SGCE: variants seen among roughly 807,000 people sequenced by gnomAD.
The protein encoded by SGCE is epsilon-sarcoglycan.
In SGCE, 26 loss-of-function variants were observed where a neutral mutation model predicts 57.8. The ratio of observed to expected loss-of-function variants is 0.45; its 90% CI spans 0.33 to 0.62. The LOEUF is 0.62. SGCE is among the 20% of genes least tolerant of loss of function. The pLI is 0.02. For synonymous variants in SGCE, 183 were observed against 189.5 expected (o/e 0.97, Z 0.28); for missense variants, 468 against 548.6 (o/e 0.85, Z 1.47).
intron 9 of SGCE, 57 bp from the exon 10 acceptor site, chr7:94,588,789 G>A (rs1797256340): frequency 6.2e-7 from 1 of 1,607,960 alleles, no homozygotes; most frequent in Non-Finnish European, 8.5e-7. Flanking sequence ...TGTAAACAGA[G>A]AGCAGACATA....
intron 9 of SGCE, 150 bp from the exon 10 acceptor site, chr7:94,588,882 G>T: frequency 1.2e-6 from 1 of 811,756 alleles, no homozygotes. Flanking sequence ...TGAGCTTACA[G>T]ATGAGGAAAC....
intron 1 of SGCE, among the ~76,000 whole-genome samples, chr7:94,635,523 T>C (rs1047602051): frequency 3.5e-4 from 53 of 152,234 alleles, no homozygotes; most frequent in African/African-American, 7.2e-5. Context: ...AAACTCTTTA[T>C]GAGATTCAGA....
At chr7:94,620,330 G>C (rs1337150744) in intron 4 of SGCE, 4 of 152,108 alleles carry the variant, frequency 2.6e-5, no homozygotes, top group African/African-American at 9.7e-5. Context: ...CCTAATCATA[G>C]AAAGTTCTTT....
intron 9 of SGCE, among the ~76,000 whole-genome samples, chr7:94,592,110 A>G (rs1797770809): frequency 6.6e-6 from 1 of 152,220 alleles, no homozygotes; most frequent in Non-Finnish European, 1.5e-5. Context: ...ATGTGTGCAC[A>G]TAGCTCTGTT....
chr7:94,636,759 T>A (rs1332080352), intron 1 of SGCE, among the ~76,000 whole-genome samples: 1 of 152,180 alleles, frequency 6.6e-6, no homozygotes, highest in Non-Finnish European at 1.5e-5. Context: ...CCTACCGCTT[T>A]AGCTAAGAAT....
chr7:94,587,687 A>C (rs1447382298), intron 10 of SGCE: 2 of 1,531,098 alleles, frequency 1.3e-6, no homozygotes. Flanking sequence ...ACATGTTAGC[A>C]TTTAATTAAA....
intron 10 of SGCE, chr7:94,587,852 G>T: frequency 6.6e-7 from 1 of 1,526,022 alleles, no homozygotes; most frequent in South Asian, 1.3e-5. Flanking sequence ...GATAATTTCT[G>T]AATGAAAACA....
At chr7:94,596,176 G>A (rs892828681) in intron 9 of SGCE, among the ~76,000 whole-genome samples, 11 of 152,044 alleles carry the variant, frequency 7.2e-5, no homozygotes, top group Non-Finnish European at 1.6e-4. Context: ...AGTCTTGATG[G>A]GGTTATGGAA....
chr7:94,617,177 T>C (rs1002893117), intron 5 of SGCE: 1 of 152,304 alleles, frequency 6.6e-6, no homozygotes, highest in African/African-American at 2.4e-5. Flanking sequence ...CAGGAACCTA[T>C]CTATATTTTT....
chr7:94,616,779 GATTTT>G (rs1490540465), intron 5 of SGCE: 1 of 152,092 alleles, frequency 6.6e-6, no homozygotes, highest in Non-Finnish European at 1.5e-5. Context: ...ACTCAAGTAA[GATTTT>G]ATTTTATGAG....
At chr7:94,633,710 A>G (rs530933632) in intron 1 of SGCE, among the ~76,000 whole-genome samples, 1 of 152,172 alleles carries the variant, frequency 6.6e-6, no homozygotes, top group Non-Finnish European at 1.5e-5. Flanking sequence ...CATAATGAAA[A>G]TATATGGGTG....
intron 5 of SGCE, among the ~76,000 whole-genome samples, chr7:94,615,327 C>T (rs1801717847): frequency 6.6e-6 from 1 of 151,966 alleles, no homozygotes; most frequent in Non-Finnish European, 1.5e-5. Context: ...CCACTGCACT[C>T]TAGCCTGGGT....
In SGCE at chr7:94,628,241, G is replaced by A. The variant is rs1804066636; in HGVS notation, c.351C>T (p.Ser117=). 1 of 1,611,660 alleles carries A rather than the reference G, an allele frequency of 6.2e-7. No individual in the cohort carries two copies. Among genetic ancestry groups the A allele is most frequent in the Non-Finnish European group, 8.5e-7 (1 of 1,178,804 alleles). The change falls in exon 3 of 11, where the codon TCC becomes TCT. Residue 117 remains serine (S), a synonymous_variant. Coordinates refer to ENST00000648936, the MANE Select transcript of SGCE (RefSeq NM_003919.3). ...GCTTCCCCACATTTTCAGCTGTTGG[G>A]GACCCATATAGGACTCCATCACTAT... ...TPYSDGVLYG[S]PTAENVGKPT...
At chr7:94,633,990 G>A (rs926542864) in intron 1 of SGCE, among the ~76,000 whole-genome samples, 1 of 152,158 alleles carries the variant, frequency 6.6e-6, no homozygotes, top group East Asian at 1.9e-4. Context: ...TAACAACTGA[G>A]TATAAGACCC....
At chr7:94,604,858 T>TATAA (rs1491355835) in intron 5 of SGCE, among the ~76,000 whole-genome samples, 33 of 75,206 alleles carry the variant, frequency 4.4e-4, no homozygotes, top group Non-Finnish European at 7.2e-4. Flanking sequence ...TATATATATA[T>TATAA]AATAGTTGTT....
At chr7:94,624,150 T>A (rs1803307170) in intron 3 of SGCE, 1 of 372,052 alleles carries the variant, frequency 2.7e-6, no homozygotes. Flanking sequence ...TTCGGACACA[T>A]CTGCAGTACC....
At chr7:94,591,750 A>G (rs552818697) in intron 9 of SGCE, among the ~76,000 whole-genome samples, 1 of 152,218 alleles carries the variant, frequency 6.6e-6, no homozygotes, top group South Asian at 2.1e-4. Context: ...CTTTTGCTAC[A>G]TTGCTAAACT....
intron 5 of SGCE, among the ~76,000 whole-genome samples, chr7:94,615,808 A>T (rs1390467755): frequency 6.6e-6 from 1 of 152,146 alleles, no homozygotes; most frequent in Non-Finnish European, 1.5e-5. Context: ...GTTGGCAGCC[A>T]TGACATGCCT....
At position 94,599,911 on chromosome 7, in the gene SGCE, G is replaced by T. The variant is rs1247104988; in HGVS notation, c.1038-188C>A. On this transcript the variant is annotated intron_variant, in intron 7 of 10. Transcript: ENST00000648936. ...AGTACACATACAGCGATGGAATACT[G>T]ATGAGAAACACATAGAAAAATGAAA... is the stretch of plus-strand genomic sequence containing the variant. 2.6e-5 allele frequency: 12 copies of T among 460,710 alleles called. No homozygotes were observed. The East Asian group carries it at 3.9e-4, about 15-fold the overall frequency. The allele number at this position is 460,710 out of a possible 1,614,324, so 28.5% of individuals were successfully genotyped here. A position where few individuals can be genotyped will look rare whatever the true frequency, so the allele number is the denominator to read the frequency against.
Sources: allele counts gnomAD v4.1 joint callset (sites outside exome capture counted in the v4.1 genomes callset), GRCh38; gene constraint gnomAD v4.1.1; transcripts MANE v1.5; gene names NCBI Gene and HGNC (gene_info 2026-07-23, HGNC 2026-07-21).